PLCH1: variants seen among roughly 807,000 people sequenced by gnomAD.
The protein encoded by PLCH1 is 1-phosphatidylinositol 4,5-bisphosphate phosphodiesterase eta-1.
PLCH1 carries 60 observed loss-of-function variants against 126.7 expected under a neutral mutation model. The ratio of observed to expected loss-of-function variants is 0.47; its 90% confidence interval spans 0.38 to 0.59. The LOEUF (loss-of-function observed/expected upper bound fraction) is 0.59. Among genes scored for constraint, PLCH1 ranks in the 20% least tolerant of loss-of-function variants. PLCH1 has a pLI of 0.00. For missense variants in PLCH1, 1,723 were observed against 2,040.0 expected (o/e 0.84, Z 2.99); for synonymous variants, 719 against 734.9 (o/e 0.98, Z 0.35).
intron 20 of PLCH1, among the ~76,000 whole-genome samples, 191 bp downstream of exon 20, chr3:155,488,469 T>C (rs754529758): frequency 8.5e-5 from 13 of 152,158 alleles, no homozygotes; most frequent in Non-Finnish European, 1.9e-4. Context: ...AGTGCTGGGA[T>C]TACAGGTGTG....
intron 8 of PLCH1, among the ~76,000 whole-genome samples, chr3:155,557,306 G>A (rs1276700582): frequency 6.6e-6 from 1 of 152,206 alleles, no homozygotes; most frequent in Non-Finnish European, 1.5e-5. Flanking sequence ...CCTTCTTGGA[G>A]AAGAAAGAGC....
intron 1 of PLCH1, among the ~76,000 whole-genome samples, chr3:155,731,549 C>T (rs1360127520): frequency 1.3e-5 from 2 of 152,182 alleles, no homozygotes; most frequent in Non-Finnish European, 2.9e-5. Flanking sequence ...ACCCACACAG[C>T]ACACCAGATG....
chr3:155,706,643 T>G (rs1188932313), intron 1 of PLCH1, among the ~76,000 whole-genome samples: 1 of 151,868 alleles, frequency 6.6e-6, no homozygotes, highest in Non-Finnish European at 1.5e-5. Flanking sequence ...CTGCAAATTA[T>G]TATACATTCC....
chr3:155,680,010 A>G (rs1281740359), intron 2 of PLCH1, among the ~76,000 whole-genome samples: 3 of 152,146 alleles, frequency 2.0e-5, no homozygotes, highest in South Asian at 2.1e-4. Flanking sequence ...TCCCAGCTAG[A>G]AAATATTCCC....
chr3:155,506,076 T>C (rs1292697144), intron 12 of PLCH1, among the ~76,000 whole-genome samples: 5 of 152,140 alleles, frequency 3.3e-5, no homozygotes, highest in African/African-American at 1.2e-4. Context: ...TTGAGGTATA[T>C]GGTCACCCTA....
At chr3:155,536,050 G>C (rs1723311646) in intron 10 of PLCH1, among the ~76,000 whole-genome samples, 1 of 152,174 alleles carries the variant, frequency 6.6e-6, no homozygotes, top group Admixed American at 6.5e-5. Context: ...GCCCCACTGG[G>C]TGGCTAGACC....
chr3:155,486,804 G>A (rs1043980030), intron 21 of PLCH1, among the ~76,000 whole-genome samples: 20 of 152,242 alleles, frequency 1.3e-4, no homozygotes, highest in Middle Eastern at 3.4e-3. Context: ...GATTACAGGC[G>A]TGAGCCACCG....
At chr3:155,474,237 AC>A (rs1413673841) in intron 21 of PLCH1, among the ~76,000 whole-genome samples, 1 of 148,982 alleles carries the variant, frequency 6.7e-6, no homozygotes, top group Non-Finnish European at 1.5e-5. Flanking sequence ...CAAGAAAAAA[AC>A]AAACAACCCC....
chr3:155,712,153 T>A (rs1485056039), intron 1 of PLCH1, among the ~76,000 whole-genome samples: 1 of 152,210 alleles, frequency 6.6e-6, no homozygotes, highest in Non-Finnish European at 1.5e-5. Flanking sequence ...AGAGGACCCA[T>A]CTGGCCATCA....
chr3:155,534,571 A>G (rs1723107298), intron 10 of PLCH1, among the ~76,000 whole-genome samples: 1 of 152,096 alleles, frequency 6.6e-6, no homozygotes, highest in African/African-American at 2.4e-5. Flanking sequence ...ACTTTGGGGG[A>G]CTGTTGGAAA....
chr3:155,491,958 A>G (rs1050019053), intron 18 of PLCH1, among the ~76,000 whole-genome samples: 2 of 152,232 alleles, frequency 1.3e-5, no homozygotes, highest in Non-Finnish European at 2.9e-5. Context: ...GCGACGAACA[A>G]TGAAGGAATA....
At chr3:155,581,583 C>T (rs772232331) in intron 6 of PLCH1, among the ~76,000 whole-genome samples, 26 of 151,996 alleles carry the variant, frequency 1.7e-4, no homozygotes, top group Admixed American at 6.6e-5. Flanking sequence ...TATGAAATGT[C>T]CAGAACAGAT....
At chr3:155,609,856 ATT>A (rs1326371349) in intron 2 of PLCH1, among the ~76,000 whole-genome samples, 2 of 152,076 alleles carry the variant, frequency 1.3e-5, no homozygotes, top group African/African-American at 4.8e-5. Context: ...GGAAAAAAGA[ATT>A]TTAAAAAAGA....
intron 4 of PLCH1, among the ~76,000 whole-genome samples, chr3:155,592,748 C>A (rs761478268): frequency 1.7e-4 from 26 of 152,274 alleles, no homozygotes; most frequent in Admixed American, 3.3e-4. Flanking sequence ...TTGTTTAAGG[C>A]ACTGTTAGTA....
At chr3:155,566,020 A>G (rs2108515236) in intron 7 of PLCH1, among the ~76,000 whole-genome samples, 2 of 149,874 alleles carry the variant, frequency 1.3e-5, no homozygotes, top group Middle Eastern at 6.9e-3. Context: ...ATGGCAACAC[A>G]AGAACAGCCT....
intron 10 of PLCH1, among the ~76,000 whole-genome samples, chr3:155,526,846 A>C (rs1418820958): frequency 6.6e-6 from 1 of 152,224 alleles, no homozygotes; most frequent in Non-Finnish European, 1.5e-5. Flanking sequence ...AGCAATAGAT[A>C]CCTAACGTAA....
chr3:155,554,840 T>G lies in PLCH1; in HGVS notation c.1070-644A>C, dbSNP rs79649731. Among the ~76,000 whole-genome samples, 156 of 152,278 alleles carry G rather than the reference T, an allele frequency of 1.0e-3. 6 individuals carry two copies. In the East Asian group the frequency reaches 0.026, roughly 26 times the overall value. On this transcript the variant is annotated intron_variant, in intron 8 of 22. Transcript: ENST00000460012. ...ATAGCACTTACATCATAAATTTGAG[T>G]GACAGTTAAATATATGTAAAGTAGC...
intron 2 of PLCH1, among the ~76,000 whole-genome samples, chr3:155,681,740 A>G (rs1744555732): frequency 6.6e-6 from 1 of 152,220 alleles, no homozygotes; most frequent in Admixed American, 6.5e-5. Context: ...TGAAACCTCA[A>G]CAAGAATTTT....
chr3:155,460,785 A>C (rs941057045), intron 21 of PLCH1, among the ~76,000 whole-genome samples: 4 of 139,212 alleles, frequency 2.9e-5, no homozygotes, highest in African/African-American at 1.1e-4. Flanking sequence ...AGATAGATAT[A>C]GAAGATAGAT....
Sources: gnomAD v4.1 joint callset for allele counts (sites outside exome capture counted in the v4.1 genomes callset) on GRCh38, gnomAD v4.1.1 for gene constraint, MANE v1.5 for transcripts, NCBI Gene and HGNC (gene_info 2026-07-23, HGNC 2026-07-21) for gene names.